The following PSG6 variants were observed in gnomAD, a reference collection of about 807,000 sequenced individuals.
PSG6 encodes the protein pregnancy specific beta-1-glycoprotein 6.
In PSG6, 51 loss-of-function variants were observed where a neutral mutation model predicts 43.3. The observed-to-expected ratio is 1.18, with a 90% CI of 0.94 to 1.49. The LOEUF (loss-of-function observed/expected upper bound fraction) is 1.49, where lower values mean the gene tolerates loss of function less well. Ranked by LOEUF, PSG6 falls within the 40% of genes most tolerant of loss-of-function variation. PSG6 has a pLI of 0.00. For missense variants in PSG6, 770 were observed against 522.2 expected (o/e 1.47, Z -4.62); for synonymous variants, 292 against 197.6 (o/e 1.48, Z -4.01).
chr19:42,907,465 C>T (rs1186321667), intron 4 of PSG6, 111 bp downstream of exon 4: 1 of 1,552,922 alleles, frequency 6.4e-7, no homozygotes, highest in Non-Finnish European at 8.7e-7. Flanking sequence ...GGTCTGATGT[C>T]CAGAAGTAAA....
chr19:42,911,897 T>G (rs1226271520), intron 2 of PSG6, among the ~76,000 whole-genome samples: 2 of 151,490 alleles, frequency 1.3e-5, no homozygotes, highest in Non-Finnish European at 2.9e-5. Flanking sequence ...TTGCAGCAAC[T>G]GAAATCACGG....
intron 2 of PSG6, among the ~76,000 whole-genome samples, chr19:42,912,607 T>C (rs1389854474): frequency 6.6e-6 from 1 of 151,738 alleles, no homozygotes; most frequent in Non-Finnish European, 1.5e-5. Context: ...TGTTAGTAAA[T>C]ATAGAAAGAA....
rs867434992 is a variant in PSG6, at chr19:42,915,767, G to A, written c.427+358C>T. On this transcript the variant is annotated intron_variant, in intron 2 of 5. Coordinates refer to ENST00000187910, the MANE Select transcript of PSG6 (RefSeq NM_001031850.4). ...GCTTCCAGAGCTGAGGTTCTCTGAGGGTATCTCAGTGGGCCCCTCAGGCCA... is the reference window on the plus strand; with the variant it reads ...GCTTCCAGAGCTGAGGTTCTCTGAGAGTATCTCAGTGGGCCCCTCAGGCCA... 13 of 409,476 alleles carry A rather than the reference G, an allele frequency of 3.2e-5. 1 individual carries two copies. In the East Asian group the frequency reaches 3.2e-4, roughly 10 times the overall value. The allele number at this position is 409,476 out of a possible 1,614,324, so 25.4% of individuals were successfully genotyped here. A position where few individuals can be genotyped will look rare whatever the true frequency, so the allele number is the denominator to read the frequency against.
rs2074856 is a variant in PSG6, at chr19:42,916,112, C to G, written c.427+13G>C. The G allele has an allele frequency of 1.9e-6, 3 of 1,608,570 alleles. No homozygotes were observed. Among genetic ancestry groups the G allele is most frequent in the Admixed American group, 1.7e-5 (1 of 59,732 alleles). On this transcript the variant is annotated intron_variant, in intron 2 of 5. Coordinates refer to ENST00000187910, the MANE Select transcript of PSG6 (RefSeq NM_001031850.4). ...TGCCCCCCAACACCCAGGGATCATG[C>G]GGAATCACTCACAGTATAAGGTGAC...
chr19:42,911,521 C>G (rs780862783), intron 2 of PSG6, among the ~76,000 whole-genome samples: 1 of 151,656 alleles, frequency 6.6e-6, no homozygotes, highest in Non-Finnish European at 1.5e-5. Context: ...AAGGAATGAC[C>G]TACAAAGAGT....
rs758906252 is a variant in PSG6, at chr19:42,917,721, C to T, written c.64+8G>A. 29 of 1,609,386 alleles carry T rather than the reference C, an allele frequency of 1.8e-5. 2 individuals carry two copies. The highest frequency in any genetic ancestry group is 1.2e-4 in the South Asian group (11 of 90,558). On this transcript the variant is annotated splice_region_variant and intron_variant, in intron 1 of 5. Transcript: ENST00000187910. ...CTCCTGTCCTCTCCCAGGAAGTCCTCTCCTCACCTGTGAGCAGGAGCCCCT... is the reference window on the plus strand; with the variant it reads ...CTCCTGTCCTCTCCCAGGAAGTCCTTTCCTCACCTGTGAGCAGGAGCCCCT...
At position 42,910,786 on chromosome 19, in the gene PSG6, A is replaced by G. The variant is rs1065505; in HGVS notation, c.500T>C (p.Ile167Thr). ...PREVMEAVRL[I>T]CDPETPDASY... is the part of the protein sequence containing the mutation. ...TGCATCCGGAGTCTCAGGATCACAG[A>G]TTAAGCGCACAGCCTCCATGACCTC... Residue 167 changes from isoleucine to threonine, a missense_variant, in exon 3 of 6, where the codon ATC becomes ACC. Coordinates refer to ENST00000187910, the MANE Select transcript of PSG6 (RefSeq NM_001031850.4). 4.8e-5 allele frequency: 77 copies of G among 1,612,314 alleles called. 5 individuals are homozygous for G. The highest frequency in any genetic ancestry group is 2.0e-4 in the South Asian group (18 of 90,616).
chr19:42,908,874 A>G (rs61266689), intron 3 of PSG6, among the ~76,000 whole-genome samples: 20 of 151,782 alleles, frequency 1.3e-4, no homozygotes, highest in African/African-American at 4.3e-4. Flanking sequence ...ATATGAGACG[A>G]GGCTGCTGGA....
chr19:42,909,067 C>G (rs143114045), intron 3 of PSG6, among the ~76,000 whole-genome samples: 3,655 of 151,726 alleles, frequency 0.024, 209 homozygotes, highest in African/African-American at 0.084. Flanking sequence ...TTTTGATTCT[C>G]AAATATTTGT....
chr19:42,916,518 T>A lies in PSG6; in HGVS notation c.65-31A>T, dbSNP rs752920791. The A allele has an allele frequency of 1.4e-5, 22 of 1,593,758 alleles. No individual in the cohort carries two copies. The South Asian group carries it at 2.1e-4, about 15-fold the overall frequency. On this transcript the variant is annotated intron_variant, in intron 1 of 5. Coordinates refer to ENST00000187910, the MANE Select transcript of PSG6 (RefSeq NM_001031850.4). ...AGGTAGAGACAGCATCAGTTAATATTTGGACCTATGTATTGGGGTGAAAAG... is the reference window on the plus strand; with the variant it reads ...AGGTAGAGACAGCATCAGTTAATATATGGACCTATGTATTGGGGTGAAAAG...
chr19:42,904,390 A>G (rs35821997), intron 5 of PSG6, among the ~76,000 whole-genome samples: 22 of 151,882 alleles, frequency 1.4e-4, no homozygotes, highest in Non-Finnish European at 2.9e-4. Flanking sequence ...ACTTATTTGT[A>G]GAAAATCCTA....
chr19:42,912,523 A>C (rs532821971), intron 2 of PSG6, among the ~76,000 whole-genome samples: 2 of 151,886 alleles, frequency 1.3e-5, no homozygotes, highest in Admixed American at 1.3e-4. Context: ...TCCTGTTAAA[A>C]GGACCGAACT....
At chr19:42,906,466 G>A (rs1405817836) in intron 5 of PSG6, among the ~76,000 whole-genome samples, 2 of 151,502 alleles carry the variant, frequency 1.3e-5, no homozygotes, top group Non-Finnish European at 2.9e-5. Flanking sequence ...AGTCTGAGCT[G>A]CTCCTCCCTC....
At chr19:42,911,629 C>G (rs1972228690) in intron 2 of PSG6, among the ~76,000 whole-genome samples, 1 of 151,682 alleles carries the variant, frequency 6.6e-6, no homozygotes, top group Non-Finnish European at 1.5e-5. Context: ...CAGTTGAGGA[C>G]CATATGGATC....
rs144522626 is a variant in PSG6, at chr19:42,907,600, T to A, written c.961A>T (p.Asn321Tyr). The change falls in exon 4 of 6, where the codon AAC becomes TAC. Residue 321 changes from asparagine (N) to tyrosine (Y), a missense_variant. Transcript: ENST00000187910. Reference sequence around the variant, plus strand: ...CAGAGGACATTCAGGGTGACTGGGTTACTGCGGATGCCACCATATCGGTCC... The same window carrying A: ...CAGAGGACATTCAGGGTGACTGGGTAACTGCGGATGCCACCATATCGGTCC... ...IRDRYGGIRS[N>Y]PVTLNVLYGP... The A allele has an allele frequency of 8.2e-4, 1,312 of 1,609,352 alleles. 9 individuals are homozygous for A. In the African/African-American group the frequency reaches 0.013, roughly 16 times the overall value.
chr19:42,907,847 C>T lies in PSG6; in HGVS notation c.714G>A (p.Leu238=), dbSNP rs774296600. 6.2e-7 allele frequency: 1 copy of T among 1,611,124 alleles called. No homozygotes were observed. The highest frequency in any genetic ancestry group is 8.5e-7 in the Non-Finnish European group (1 of 1,178,962). ...DPVTLNLLPK[L]PMPYITINNL... The stretch of plus-strand genomic sequence containing the variant: ...TGTTGATGGTGATGTAAGGCATGGG[C>T]AGCTTCGCTGTGTGGATAACAGAAG... Residue 238 remains leucine, a synonymous_variant, in exon 4 of 6, where the codon CTG becomes CTA. Coordinates refer to ENST00000187910, the MANE Select transcript of PSG6 (RefSeq NM_001031850.4).
chr19:42,915,344 A>G lies in PSG6; in HGVS notation c.427+781T>C, dbSNP rs1270220543. On this transcript the variant is annotated intron_variant, in intron 2 of 5. Coordinates refer to ENST00000187910, the MANE Select transcript of PSG6 (RefSeq NM_001031850.4). ...GGAGGTGTTCACACAAACAGCATTT[A>G]TTATTAATTTGCTTCCATGAGAAAG... is the stretch of plus-strand genomic sequence containing the variant. The G allele has an allele frequency of 2.0e-5, 3 of 151,854 alleles. 1 individual carries two copies. Among genetic ancestry groups the G allele is most frequent in the African/African-American group, 7.3e-5 (3 of 41,332 alleles). 9.4% of individuals were successfully genotyped at this position (151,854 alleles called of 1,614,324 possible).
chr19:42,913,420 T>C (rs1169405947), intron 2 of PSG6, among the ~76,000 whole-genome samples: 2 of 151,806 alleles, frequency 1.3e-5, no homozygotes, highest in Admixed American at 6.6e-5. Context: ...GCTGGGATTA[T>C]AGGCGTGAGC....
chr19:42,902,175 G>A lies in PSG6; in HGVS notation c.*237C>T. 1 of 489,092 alleles carries A rather than the reference G, an allele frequency of 2.0e-6. No individual in the cohort carries two copies. Among genetic ancestry groups the A allele is most frequent in the South Asian group, 2.9e-5 (1 of 34,974 alleles). 30.3% of individuals were successfully genotyped at this position (489,092 alleles called of 1,614,324 possible). On this transcript the variant is annotated 3_prime_UTR_variant, in exon 6 of 6. Transcript: ENST00000187910. ...TGGGGCACTCAGATAGAGAGCAAAA[G>A]CAAATGTTTCAATTTTTGTTTACAA...
Sources: allele counts gnomAD v4.1 joint callset (sites outside exome capture counted in the v4.1 genomes callset), GRCh38; gene constraint gnomAD v4.1.1; transcripts MANE v1.5; gene names NCBI Gene and HGNC (gene_info 2026-07-23, HGNC 2026-07-21).